Variants in HIRA observed in about 807,000 individuals in gnomAD.
HIRA encodes the protein histone cell cycle regulator, also known as protein HIRA.
A neutral mutation model predicts 126.6 loss-of-function variants in HIRA; 13 were observed. The ratio of observed to expected loss-of-function variants is 0.10; its 90% CI spans 0.07 to 0.16. HIRA has a LOEUF of 0.16. Among genes scored for constraint, HIRA ranks in the 10% least tolerant of loss-of-function variants. The pLI is 1.00. For missense variants in HIRA, 834 were observed against 1,314.4 expected (o/e 0.63, Z 5.65); for synonymous variants, 511 against 520.0 (o/e 0.98, Z 0.24).
At chr22:19,333,548 T>C (rs1321356660) in intron 24 of HIRA, among the ~76,000 whole-genome samples, 3 of 152,230 alleles carry the variant, frequency 2.0e-5, no homozygotes, top group Admixed American at 2.0e-4. Flanking sequence ...GTTTGACTAA[T>C]GTGTCTCAGT....
rs985654507 is a variant in HIRA at position 19,431,317 on chromosome 22, G to A, written c.37+123C>T. The A allele has an allele frequency of 2.1e-5, 24 of 1,129,670 alleles. No homozygotes were observed. In the African/African-American group the frequency reaches 3.1e-4, roughly 15 times the overall value. The allele number at this position is 1,129,670 out of a possible 1,614,324, so 70.0% of individuals were successfully genotyped here. A position where few individuals can be genotyped will look rare whatever the true frequency, so the allele number is the denominator to read the frequency against. On this transcript the variant is annotated intron_variant, in intron 1 of 24. Transcript: ENST00000263208. ...CAAAGTCCGCTCCCGCCGGCTTCTT[G>A]GCTTGGGCACCGGGTACCGGGCGTC...
chr22:19,407,085 A>G, intron 4 of HIRA, 99 bp downstream of exon 4: 1 of 946,296 alleles, frequency 1.1e-6, no homozygotes, highest in African/African-American at 1.6e-5. Context: ...GGTCAGGGCT[A>G]TGGGAACTTC....
Position 19,331,436 on chromosome 22 carries a change from C to T in HIRA, c.*4G>A, listed in dbSNP as rs1556004585. On this transcript the variant is annotated 3_prime_UTR_variant, in exon 25 of 25. Transcript: ENST00000263208. The stretch of plus-strand genomic sequence containing the variant: ...TTGCTGCAGCCAGGGCAGGCTGGGG[C>T]AGGCTACTTGTCCCTCAGGATGTCG... 6.2e-7 allele frequency: 1 copy of T among 1,613,974 alleles called. No homozygotes were observed. Among genetic ancestry groups the T allele is most frequent in the Non-Finnish European group, 8.5e-7 (1 of 1,179,996 alleles).
intron 1 of HIRA, among the ~76,000 whole-genome samples, chr22:19,417,991 A>T (rs1033448630): frequency 6.6e-6 from 1 of 152,264 alleles, no homozygotes; most frequent in Non-Finnish European, 1.5e-5. Flanking sequence ...GTGAAAAAAG[A>T]CAAATGTCAT....
intron 12 of HIRA, 30 bp from the exon 13 acceptor site, chr22:19,383,735 C>G: frequency 5.1e-6 from 8 of 1,577,948 alleles, no homozygotes; most frequent in Non-Finnish European, 7.0e-6. Context: ...TAAATGAATG[C>G]AAAAGTTTTG....
Position 19,331,452 on chromosome 22 carries a change from C to G in HIRA, c.3042G>C (p.Leu1014=), listed in dbSNP as rs782075354. The G allele has an allele frequency of 6.2e-7, 1 of 1,614,110 alleles. No homozygotes were observed. The highest frequency in any genetic ancestry group is 2.2e-5 in the East Asian group (1 of 44,868). Residue 1014 remains leucine (L), a synonymous_variant, in exon 25 of 25, where the codon CTG becomes CTC. Transcript: ENST00000263208. ...AGGCTGGGGCAGGCTACTTGTCCCT[C>G]AGGATGTCGAGCTGTTCCTGACACT... ...FTECQEQLDI[L]RDK
At chr22:19,398,392 C>T (rs558640405) in intron 5 of HIRA, among the ~76,000 whole-genome samples, 2 of 152,338 alleles carry the variant, frequency 1.3e-5, no homozygotes, top group South Asian at 2.1e-4. Flanking sequence ...GGAGCATGCT[C>T]CTCAGCCCTG....
chr22:19,340,753 TC>T (rs1442877251), intron 24 of HIRA, among the ~76,000 whole-genome samples: 3 of 152,088 alleles, frequency 2.0e-5, no homozygotes, highest in Admixed American at 2.0e-4. Context: ...ATCAAGAACC[TC>T]TTGTTACAAT....
chr22:19,417,665 C>A (rs955702005), intron 1 of HIRA, among the ~76,000 whole-genome samples: 15 of 152,110 alleles, frequency 9.9e-5, no homozygotes, highest in Non-Finnish European at 1.5e-4. Context: ...CAAAAAACCT[C>A]AGGAAATAAG....
intron 6 of HIRA, among the ~76,000 whole-genome samples, chr22:19,397,353 G>A (rs758278392): frequency 6.6e-6 from 1 of 152,134 alleles, no homozygotes; most frequent in Non-Finnish European, 1.5e-5. Flanking sequence ...AGGTGTGTAC[G>A]ACGGTACCCC....
chr22:19,397,674 G>C (rs2089234875), intron 6 of HIRA, among the ~76,000 whole-genome samples: 1 of 152,194 alleles, frequency 6.6e-6, no homozygotes, highest in South Asian at 2.1e-4. Context: ...TGGTGACTGA[G>C]CTGAGCCCAG....
intron 15 of HIRA, among the ~76,000 whole-genome samples, chr22:19,363,916 AAAC>A (rs2146200194): frequency 6.6e-6 from 1 of 152,310 alleles, no homozygotes; most frequent in East Asian, 1.9e-4. Flanking sequence ...AAAACCCAAA[AAAC>A]TATTCTGTAA....
intron 15 of HIRA, among the ~76,000 whole-genome samples, chr22:19,375,196 C>T (rs1601827514): frequency 6.6e-6 from 1 of 152,224 alleles, no homozygotes; most frequent in African/African-American, 2.4e-5. Flanking sequence ...ACCTCACTTA[C>T]ATCATTTTTA....
intron 5 of HIRA, among the ~76,000 whole-genome samples, chr22:19,399,943 A>T (rs2089254230): frequency 6.6e-6 from 1 of 152,202 alleles, no homozygotes; most frequent in African/African-American, 2.4e-5. Flanking sequence ...AGAAAACAAC[A>T]ACTTTCTCTA....
intron 24 of HIRA, among the ~76,000 whole-genome samples, chr22:19,338,651 C>T (rs1394491797): frequency 1.3e-5 from 2 of 151,978 alleles, no homozygotes; most frequent in Admixed American, 6.6e-5. Context: ...AAACCAAAAG[C>T]GAGCAGAAAT....
chr22:19,378,097 T>C, intron 13 of HIRA, 31 bp from the exon 14 acceptor site: 2 of 1,494,916 alleles, frequency 1.3e-6, no homozygotes, highest in Non-Finnish European at 1.8e-6. Flanking sequence ...AAGTCAGCCT[T>C]GAAAGTCAGG....
In HIRA at chr22:19,407,191, G is replaced by A. The variant is rs2089315189; in HGVS notation, c.295C>T (p.Arg99Trp). 4 of 1,611,930 alleles carry A rather than the reference G, an allele frequency of 2.5e-6. No homozygotes were observed. The highest frequency in any genetic ancestry group is 3.4e-6 in the Non-Finnish European group (4 of 1,178,178). ...AAGGAAAATGATGCTTACGTAGCCC[G>A]CTTCCACACCATAATCAGTTTGTCA... ...GDDKLIMVWK[R>W]ATYIGPSTVF... Residue 99 changes from arginine (R) to tryptophan (W), a missense_variant, in exon 4 of 25, where the codon CGG becomes TGG. Around this residue, in one of 5 missense-constraint regions of HIRA, gnomAD observed 102 missense variants for 191.4 expected, o/e 0.53. Transcript: ENST00000263208.
chr22:19,427,075 T>TTTG (rs1429348310), intron 1 of HIRA, among the ~76,000 whole-genome samples: 1 of 152,160 alleles, frequency 6.6e-6, no homozygotes, highest in Non-Finnish European at 1.5e-5. Flanking sequence ...GCAAATAACT[T>TTTG]ATTCAGAGCG....
At chr22:19,427,841 T>C (rs570268788) in intron 1 of HIRA, among the ~76,000 whole-genome samples, 1 of 152,346 alleles carries the variant, frequency 6.6e-6, no homozygotes, top group South Asian at 2.1e-4. Flanking sequence ...ACAAACTCCA[T>C]ATTTCTACAA....
Sources: gnomAD v4.1 joint callset for allele counts (sites outside exome capture counted in the v4.1 genomes callset) on GRCh38, gnomAD v4.1.1 for gene constraint, gnomAD v4.1.1 regional missense constraint, MANE v1.5 for transcripts, NCBI Gene and HGNC (gene_info 2026-07-23, HGNC 2026-07-21) for gene names.